The following ADAMTS17 variants were observed in gnomAD, a reference collection of about 807,000 sequenced individuals.
ADAMTS17 encodes A disintegrin and metalloproteinase with thrombospondin motifs 17.
In ADAMTS17, 113 loss-of-function variants were observed where a neutral mutation model predicts 141.5. That is an observed-to-expected ratio of 0.80 (90% CI 0.69 to 0.93). ADAMTS17 has a LOEUF of 0.93. ADAMTS17 is among the 40% of genes least tolerant of loss of function. The probability of loss-of-function intolerance (pLI) is 0.00; values close to 1 mark genes in which losing one functional copy is unlikely to be tolerated. For missense variants in ADAMTS17, 1,659 were observed against 1,517.9 expected (o/e 1.09, Z -1.54); for synonymous variants, 768 against 630.6 (o/e 1.22, Z -3.27).
intron 7 of ADAMTS17, among the ~76,000 whole-genome samples, chr15:100,207,994 C>T (rs1167498923): frequency 6.6e-6 from 1 of 152,178 alleles, no homozygotes; most frequent in Non-Finnish European, 1.5e-5. Context: ...TAATATACTG[C>T]TAGCTCTGAA....
chr15:100,149,970 C>G (rs947901279), intron 10 of ADAMTS17, among the ~76,000 whole-genome samples: 3 of 152,226 alleles, frequency 2.0e-5, no homozygotes, highest in African/African-American at 7.2e-5. Flanking sequence ...CCAGCTGAGG[C>G]TGGTGGCCAT....
At chr15:100,144,810 G>T (rs982006314) in intron 10 of ADAMTS17, among the ~76,000 whole-genome samples, 3 of 151,460 alleles carry the variant, frequency 2.0e-5, no homozygotes, top group African/African-American at 7.3e-5. Flanking sequence ...GACCAGGGAG[G>T]CCTCTCCCTC....
At chr15:100,067,644 T>C (rs1157737895) in intron 15 of ADAMTS17, among the ~76,000 whole-genome samples, 1 of 152,206 alleles carries the variant, frequency 6.6e-6, no homozygotes, top group African/African-American at 2.4e-5. Flanking sequence ...GCAGCACTTA[T>C]CTTTTATTTA....
At chr15:100,023,369 T>G (rs1295526351) in intron 18 of ADAMTS17, among the ~76,000 whole-genome samples, 1 of 138,728 alleles carries the variant, frequency 7.2e-6, no homozygotes, top group Non-Finnish European at 1.5e-5. Context: ...GCAGGGCTAA[T>G]TTTTTTTTTT....
chr15:100,164,126 C>T (rs1333439884), intron 8 of ADAMTS17, among the ~76,000 whole-genome samples: 2 of 151,752 alleles, frequency 1.3e-5, no homozygotes, highest in Admixed American at 1.3e-4. Flanking sequence ...GCACACCCTC[C>T]TCCACCCCTG....
intron 10 of ADAMTS17, among the ~76,000 whole-genome samples, chr15:100,137,757 C>T (rs1258469650): frequency 6.6e-6 from 1 of 152,230 alleles, no homozygotes; most frequent in Non-Finnish European, 1.5e-5. Flanking sequence ...TGAGCACATG[C>T]AAGGGTGGGT....
At chr15:100,229,480 C>T (rs1246372596) in intron 7 of ADAMTS17, among the ~76,000 whole-genome samples, 3 of 152,204 alleles carry the variant, frequency 2.0e-5, no homozygotes, top group Non-Finnish European at 2.9e-5. Context: ...CTATGACGCA[C>T]AGTGGTTCTG....
chr15:100,018,475 G>T (rs1023813660), intron 18 of ADAMTS17, among the ~76,000 whole-genome samples: 3 of 152,186 alleles, frequency 2.0e-5, no homozygotes, highest in Non-Finnish European at 4.4e-5. Flanking sequence ...CCCCTTTGCT[G>T]TTCTCATGAT....
chr15:100,123,423 T>C (rs760599288), intron 12 of ADAMTS17, among the ~76,000 whole-genome samples: 1 of 152,198 alleles, frequency 6.6e-6, no homozygotes, highest in Non-Finnish European at 1.5e-5. Flanking sequence ...AGTCTTTCCC[T>C]CACCCTCTCC....
At chr15:100,190,792 G>A (rs964034001) in intron 8 of ADAMTS17, among the ~76,000 whole-genome samples, 4 of 152,226 alleles carry the variant, frequency 2.6e-5, no homozygotes, top group Non-Finnish European at 4.4e-5. Flanking sequence ...CCCTAGCTGT[G>A]TAAGCCAAAG....
At chr15:100,037,878 C>A (rs748978363) in intron 18 of ADAMTS17, among the ~76,000 whole-genome samples, 1 of 152,078 alleles carries the variant, frequency 6.6e-6, no homozygotes, top group Non-Finnish European at 1.5e-5. Flanking sequence ...CCTCCCATTT[C>A]AGCCTGCCCC....
chr15:100,339,725 A>G (rs921821492), intron 2 of ADAMTS17, among the ~76,000 whole-genome samples: 2 of 151,840 alleles, frequency 1.3e-5, no homozygotes, highest in African/African-American at 4.8e-5. Flanking sequence ...CCAAGGGTCT[A>G]TATCACTTTC....
intron 7 of ADAMTS17, among the ~76,000 whole-genome samples, chr15:100,238,951 C>T (rs560551822): frequency 9.9e-5 from 15 of 152,222 alleles, no homozygotes; most frequent in South Asian, 2.1e-4. Context: ...GTTAGCCAGG[C>T]GTAGTGGCGT....
intron 3 of ADAMTS17, among the ~76,000 whole-genome samples, chr15:100,306,955 A>T (rs2141839773): frequency 6.6e-6 from 1 of 152,300 alleles, no homozygotes; most frequent in South Asian, 2.1e-4. Context: ...CCCTGACAGA[A>T]AGGAGAACGA....
intron 7 of ADAMTS17, among the ~76,000 whole-genome samples, chr15:100,230,148 A>C (rs572306574): frequency 6.6e-6 from 1 of 152,368 alleles, no homozygotes; most frequent in African/African-American, 2.4e-5. Context: ...ACTCAGAATA[A>C]GTGGTTTTCT....
chr15:100,263,796 G>GA (rs1252736231), intron 4 of ADAMTS17, among the ~76,000 whole-genome samples: 2 of 152,218 alleles, frequency 1.3e-5, no homozygotes, highest in Admixed American at 6.5e-5. Context: ...CCAGGAGGGA[G>GA]AATTTTCCAG....
At chr15:100,030,501 G>A (rs1224463815) in intron 18 of ADAMTS17, among the ~76,000 whole-genome samples, 2 of 152,126 alleles carry the variant, frequency 1.3e-5, no homozygotes, top group Non-Finnish European at 2.9e-5. Flanking sequence ...AGCCACCTGG[G>A]CATGGCACAT....
In ADAMTS17 at chr15:100,276,818, C is replaced by T. The variant is rs114954250; in HGVS notation, c.789+4411G>A. 7.7e-3 allele frequency among the ~76,000 whole-genome samples: 1,167 copies of T among 152,246 alleles called. 18 individuals carry two copies. Among genetic ancestry groups the T allele is most frequent in the African/African-American group, 0.027 (1,106 of 41,522 alleles). ...GCTTAAAGGTTATCTCACTTGCTAA[C>T]GGAAAGCCCTTTTCTAAAACAGCCG... On this transcript the variant is annotated intron_variant, in intron 4 of 21. Transcript: ENST00000268070.
intron 12 of ADAMTS17, among the ~76,000 whole-genome samples, chr15:100,130,308 G>A (rs1284059964): frequency 6.6e-6 from 1 of 151,116 alleles, no homozygotes; most frequent in Non-Finnish European, 1.5e-5. Context: ...AGGTTGCAGT[G>A]AGCCGAGACT....
Sources: gnomAD v4.1 joint callset for allele counts (sites outside exome capture counted in the v4.1 genomes callset) on GRCh38, gnomAD v4.1.1 for gene constraint, MANE v1.5 for transcripts, NCBI Gene and HGNC (gene_info 2026-07-23, HGNC 2026-07-21) for gene names.